The following ARHGAP42 variants were observed in gnomAD, a reference collection of about 807,000 sequenced individuals.
The protein encoded by ARHGAP42 is Rho GTPase activating protein 42.
In ARHGAP42, 63 loss-of-function variants were observed where a neutral mutation model predicts 125.0. The ratio of observed to expected loss-of-function variants is 0.50; its 90% CI spans 0.41 to 0.62. ARHGAP42 has a LOEUF of 0.62. ARHGAP42 is among the 20% of genes least tolerant of loss of function. The pLI is 0.00. For missense variants in ARHGAP42, 766 were observed against 1,024.2 expected, an observed-to-expected ratio of 0.75 and a Z score of 3.44; for synonymous variants, 339 against 351.0, an observed-to-expected ratio of 0.97 and a Z score of 0.38.
chr11:100,761,189 A>C (rs1420640392), intron 1 of ARHGAP42, among the ~76,000 whole-genome samples: 1 of 152,228 alleles, frequency 6.6e-6, no homozygotes, highest in Non-Finnish European at 1.5e-5. Context: ...GCCAGCATCT[A>C]AACTTAAATG....
intron 2 of ARHGAP42, 130 bp downstream of exon 2, chr11:100,770,568 T>C (rs1862949660): frequency 4.2e-6 from 3 of 715,978 alleles, no homozygotes. Flanking sequence ...TGATTTTAGG[T>C]TTCTATGGAA....
rs1251990874 is a variant in ARHGAP42 at position 100,780,032 on chromosome 11, T to TA, written c.250+9605dup. Among the ~76,000 whole-genome samples the TA allele has an allele frequency of 9.8e-3, 1,371 of 139,384 alleles. 16 individuals carry two copies. The highest frequency in any genetic ancestry group is 0.031 in the African/African-American group (1,171 of 38,170). 91.4% of individuals were successfully genotyped at this position (139,384 alleles called of 152,430 possible). On this transcript the variant is annotated intron_variant, in intron 2 of 23. Transcript: ENST00000298815. The stretch of plus-strand genomic sequence containing the variant: ...CAGAGTGAGACTCCATCTCAAAAAC[T>TA]AAAAAAAAAAACAAGTTTTAAAAAT...
intron 2 of ARHGAP42, among the ~76,000 whole-genome samples, chr11:100,773,323 T>C (rs1372530109): frequency 6.6e-6 from 1 of 152,228 alleles, no homozygotes; most frequent in Non-Finnish European, 1.5e-5. Flanking sequence ...ATTTTTCTAA[T>C]ACAATGATAT....
At chr11:100,928,885 T>C (rs916525355) in intron 6 of ARHGAP42, among the ~76,000 whole-genome samples, 3 of 152,198 alleles carry the variant, frequency 2.0e-5, no homozygotes, top group East Asian at 1.9e-4. Context: ...CCTTTGGTGA[T>C]TGACTTCTTT....
At chr11:100,924,109 C>T (rs1389548822) in intron 6 of ARHGAP42, among the ~76,000 whole-genome samples, 1 of 152,020 alleles carries the variant, frequency 6.6e-6, no homozygotes. Flanking sequence ...TTGCATGTTG[C>T]AGAAATCTAG....
intron 3 of ARHGAP42, among the ~76,000 whole-genome samples, chr11:100,826,886 C>T (rs548554090): frequency 6.6e-6 from 1 of 151,514 alleles, no homozygotes; most frequent in South Asian, 2.1e-4. Context: ...AGGATATTTG[C>T]AAAAGTTAAT....
At chr11:100,987,649 A>T in intron 23 of ARHGAP42, 57 bp downstream of exon 23, 1 of 1,461,146 alleles carries the variant, frequency 6.8e-7, no homozygotes, top group Non-Finnish European at 9.4e-7. Context: ...ATGAAGGAAT[A>T]GTATGGTGGT....
chr11:100,838,751 A>C (rs1864875159), intron 3 of ARHGAP42, among the ~76,000 whole-genome samples: 1 of 152,168 alleles, frequency 6.6e-6, no homozygotes, highest in Non-Finnish European at 1.5e-5. Flanking sequence ...GTGTTTAAAA[A>C]AATCTACATT....
At chr11:100,880,441 A>G (rs1378396145) in intron 4 of ARHGAP42, among the ~76,000 whole-genome samples, 2 of 152,164 alleles carry the variant, frequency 1.3e-5, no homozygotes, top group East Asian at 1.9e-4. Context: ...ATTCCTTTTT[A>G]TGGCTGAGTA....
intron 22 of ARHGAP42, chr11:100,985,939 G>C (rs1414530645): frequency 2.4e-6 from 1 of 411,926 alleles, no homozygotes; most frequent in Non-Finnish European, 4.8e-6. Context: ...GGATGCAAAT[G>C]CTGCTGACGC....
At chr11:100,934,239 C>G (rs771716292) in intron 7 of ARHGAP42, among the ~76,000 whole-genome samples, 29 of 152,190 alleles carry the variant, frequency 1.9e-4, no homozygotes, top group South Asian at 6.2e-4. Context: ...GGTTTCGAGG[C>G]ATTCAAAATA....
chr11:100,910,483 A>G (rs1866882138), intron 4 of ARHGAP42, among the ~76,000 whole-genome samples: 1 of 152,280 alleles, frequency 6.6e-6, no homozygotes, highest in South Asian at 2.1e-4. Context: ...AAATAATGCC[A>G]TATCAATAAG....
At chr11:100,858,148 G>C (rs979961261) in intron 3 of ARHGAP42, among the ~76,000 whole-genome samples, 2 of 146,816 alleles carry the variant, frequency 1.4e-5, no homozygotes, top group Non-Finnish European at 3.0e-5. Context: ...GTTTTAATGA[G>C]GGCATAGAGG....
chr11:100,991,571 A>G lies in ARHGAP42; in HGVS notation c.*2770A>G, dbSNP rs1328639486. ...GAGTTATGTGAAAATATCCCTCAGT[A>G]CAAAACATTTGTGTGTTTCACAGAT... On this transcript the variant is annotated 3_prime_UTR_variant, in exon 24 of 24. Transcript: ENST00000298815. 2 of 152,188 alleles carry G rather than the reference A, an allele frequency of 1.3e-5. No homozygotes were observed. The highest frequency in any genetic ancestry group is 1.3e-4 in the Admixed American group (2 of 15,280). The allele number at this position is 152,188 out of a possible 1,614,324, so 9.4% of individuals were successfully genotyped here. A position where few individuals can be genotyped will look rare whatever the true frequency, so the allele number is the denominator to read the frequency against.
At chr11:100,777,776 T>C (rs1315361915) in intron 2 of ARHGAP42, among the ~76,000 whole-genome samples, 1 of 152,262 alleles carries the variant, frequency 6.6e-6, no homozygotes. Context: ...ACAAATTCAA[T>C]GATTAAATTA....
chr11:100,873,314 A>G (rs892983420), intron 4 of ARHGAP42, among the ~76,000 whole-genome samples: 1 of 152,242 alleles, frequency 6.6e-6, no homozygotes, highest in Non-Finnish European at 1.5e-5. Context: ...ATCACAATTT[A>G]GCAAGTATAT....
chr11:100,759,733 C>A (rs2120354488), intron 1 of ARHGAP42, among the ~76,000 whole-genome samples: 2 of 152,242 alleles, frequency 1.3e-5, no homozygotes, highest in Middle Eastern at 3.4e-3. Flanking sequence ...CCCAAACTGG[C>A]TGCCTCAGAG....
At chr11:100,751,080 A>T (rs960632465) in intron 1 of ARHGAP42, among the ~76,000 whole-genome samples, 1 of 151,658 alleles carries the variant, frequency 6.6e-6, no homozygotes, top group South Asian at 2.1e-4. Context: ...CTGGGATTAC[A>T]GGGGCCTGCC....
At chr11:100,969,007 C>T (rs1337109108) in intron 17 of ARHGAP42, among the ~76,000 whole-genome samples, 1 of 152,054 alleles carries the variant, frequency 6.6e-6, no homozygotes, top group African/African-American at 2.4e-5. Flanking sequence ...TGCCTTCAGC[C>T]TGAAGAACAT....
Sources: gnomAD v4.1 joint callset for allele counts (sites outside exome capture counted in the v4.1 genomes callset) on GRCh38, gnomAD v4.1.1 for gene constraint, MANE v1.5 for transcripts, NCBI Gene and HGNC (gene_info 2026-07-23, HGNC 2026-07-21) for gene names.